ZNF320: variants seen among roughly 807,000 people sequenced by gnomAD.
ZNF320 encodes zinc finger gene 320.
Under a neutral mutation model 6.8 loss-of-function variants are expected in ZNF320, and 2 were observed. The ratio of observed to expected loss-of-function variants is 0.29; its 90% CI spans 0.12 to 0.93. The LOEUF (loss-of-function observed/expected upper bound fraction) is 0.93, where lower values mean the gene tolerates loss of function less well. Among genes scored for constraint, ZNF320 ranks in the 40% least tolerant of loss-of-function variants. The probability of loss-of-function intolerance (pLI) is 0.55; values close to 1 mark genes in which losing one functional copy is unlikely to be tolerated. For missense variants in ZNF320, 472 were observed against 611.0 expected, an observed-to-expected ratio of 0.77 and a Z score of 2.40; for synonymous variants, 208 against 203.2, an observed-to-expected ratio of 1.02 and a Z score of -0.20.
chr19:52,901,426 T>C (rs1053101527), upstream of ZNF320, among the ~76,000 whole-genome samples: 8 of 152,316 alleles, frequency 5.3e-5, no homozygotes, highest in East Asian at 1.5e-3. Flanking sequence ...CGGGTGTGAC[T>C]GCAGCAGGGC....
intron 2 of ZNF320, among the ~76,000 whole-genome samples, chr19:52,892,764 C>G (rs78971184): frequency 6.6e-6 from 1 of 151,102 alleles, no homozygotes; most frequent in South Asian, 2.1e-4. Flanking sequence ...CCTCCCTGGC[C>G]CCACTCTCTG....
At chr19:52,892,350 G>A (rs891190141) in intron 2 of ZNF320, 5 of 152,390 alleles carry the variant, frequency 3.3e-5, no homozygotes, top group Non-Finnish European at 7.3e-5. Flanking sequence ...TGGGCAACAA[G>A]AGTGAAACTG....
At chr19:52,891,989 C>T (rs1568728116) in intron 2 of ZNF320, 1 of 152,196 alleles carries the variant, frequency 6.6e-6, no homozygotes, top group Non-Finnish European at 1.5e-5. Context: ...ATGCTATTGA[C>T]TTTCAACATT....
In ZNF320 at chr19:52,880,236, T is replaced by C. The variant is rs190424084; in HGVS notation, c.*360A>G. On this transcript the variant is annotated 3_prime_UTR_variant, in exon 6 of 6. Transcript: ENST00000682928. ...GGTGGCACGCACCTGTAGTCCCAGC[T>C]ACTCAGGAGACTGAGGCAGGAGAAT... 3.5e-4 allele frequency: 60 copies of C among 172,138 alleles called. No individual in the cohort carries two copies. The highest frequency in any genetic ancestry group is 5.7e-3 in the Middle Eastern group (2 of 348). The allele number at this position is 172,138 out of a possible 1,614,324, so 10.7% of individuals were successfully genotyped here. A position where few individuals can be genotyped will look rare whatever the true frequency, so the allele number is the denominator to read the frequency against.
At chr19:52,866,438 T>C (rs951642711) in intron 5 of ZNF320, among the ~76,000 whole-genome samples, 11 of 151,772 alleles carry the variant, frequency 7.2e-5, no homozygotes, top group Non-Finnish European at 1.5e-4. Context: ...GCATTCTTGG[T>C]AACGGTGAAA....
chr19:52,895,987 A>G lies in ZNF320; in HGVS notation c.-270+1533T>C, dbSNP rs1031744807. Among the ~76,000 whole-genome samples the G allele has an allele frequency of 2.6e-5, 4 of 152,234 alleles. No individual in the cohort carries two copies. The East Asian group carries it at 5.8e-4, about 22-fold the overall frequency. On this transcript the variant is annotated intron_variant, in intron 1 of 5. Coordinates refer to ENST00000682928, the MANE Select transcript of ZNF320 (RefSeq NM_001351774.2). ...AAAATATATACATCTAAAAATGTATATATCTAATAAAATGTAGGGTCAAAG... is the reference window on the plus strand; with the variant it reads ...AAAATATATACATCTAAAAATGTATGTATCTAATAAAATGTAGGGTCAAAG...
At chr19:52,884,556 G>A (rs2064017577) in intron 5 of ZNF320, among the ~76,000 whole-genome samples, 1 of 152,244 alleles carries the variant, frequency 6.6e-6, no homozygotes, top group Non-Finnish European at 1.5e-5. Context: ...GACCTCAAGT[G>A]ATCAACCTGT....
At chr19:52,868,115 G>T (rs1401485774) in intron 5 of ZNF320, among the ~76,000 whole-genome samples, 1 of 152,178 alleles carries the variant, frequency 6.6e-6, no homozygotes, top group Non-Finnish European at 1.5e-5. Context: ...CATCAACATT[G>T]CTGAAGGCTG....
chr19:52,901,603 T>A (rs1488709123), upstream of ZNF320, among the ~76,000 whole-genome samples: 1 of 152,210 alleles, frequency 6.6e-6, no homozygotes, highest in Non-Finnish European at 1.5e-5. Flanking sequence ...TCTTTGATAC[T>A]AGGAGTAAGG....
chr19:52,859,670 T>G (rs1014623876), downstream of ZNF320, among the ~76,000 whole-genome samples: 1 of 152,150 alleles, frequency 6.6e-6, no homozygotes, highest in Non-Finnish European at 1.5e-5. Context: ...GTGCATAGGC[T>G]GCGGCAGCTT....
intron 5 of ZNF320, among the ~76,000 whole-genome samples, chr19:52,865,678 T>C (rs532592861): frequency 2.3e-5 from 3 of 131,642 alleles, no homozygotes; most frequent in East Asian, 4.3e-4. Flanking sequence ...TATTATATGA[T>C]TATACATATA....
downstream of ZNF320, chr19:52,874,298 G>A (rs1445280558): frequency 5.8e-6 from 1 of 171,860 alleles, no homozygotes; most frequent in Non-Finnish European, 1.2e-5. Context: ...CACACACGCT[G>A]CAGCAGGACA....
At chr19:52,883,592 A>C (rs576132060) in intron 5 of ZNF320, 2 of 455,536 alleles carry the variant, frequency 4.4e-6, no homozygotes, top group African/African-American at 4.0e-5. Context: ...AATACACAGA[A>C]TTATAAGGAA....
upstream of ZNF320, among the ~76,000 whole-genome samples, chr19:52,901,031 C>T (rs966041707): frequency 6.6e-6 from 1 of 152,094 alleles, no homozygotes; most frequent in African/African-American, 2.4e-5. Flanking sequence ...TTGGGGACCC[C>T]TCTTCTGTTC....
chr19:52,881,756 C>T lies in ZNF320; in HGVS notation c.370G>A (p.Asp124Asn), dbSNP rs1421897203. 1.2e-6 allele frequency: 2 copies of T among 1,613,982 alleles called. No homozygotes were observed. Among genetic ancestry groups the T allele is most frequent in the South Asian group, 2.2e-5 (2 of 91,078 alleles). ...TEIKKLTSST[D>N]RYDQRHAGNK... ...CCAGCATGCCTTTGATCATATCGGT[C>T]TGTACTACTAGTCAACTTTTTTATT... The change falls in exon 6 of 6, where the codon GAC becomes AAC. Residue 124 changes from aspartate to asparagine, a missense_variant. Physicochemically the swap from Asp to Asn is conservative, Grantham distance 23 (BLOSUM62 1). This residue lies in a region of ZNF320 where 462 missense variants were observed against 559.7 expected (regional missense o/e 0.83). Coordinates refer to ENST00000682928, the MANE Select transcript of ZNF320 (RefSeq NM_001351774.2).
rs1352288536 is a variant in ZNF320 at position 52,879,729 on chromosome 19, A to G, written c.*867T>C. 6.6e-6 allele frequency: 1 copy of G among 152,260 alleles called. No homozygotes were observed. The highest frequency in any genetic ancestry group is 1.9e-4 in the East Asian group (1 of 5,200). 9.4% of individuals were successfully genotyped at this position (152,260 alleles called of 1,614,324 possible). ...ACCAAAATGCAACTGGAACTAAAAAACATATGCAGTGGATTTGAAGAATAG... is the reference window on the plus strand; with the variant it reads ...ACCAAAATGCAACTGGAACTAAAAAGCATATGCAGTGGATTTGAAGAATAG... On this transcript the variant is annotated 3_prime_UTR_variant, in exon 6 of 6. Transcript: ENST00000682928.
intron 5 of ZNF320, among the ~76,000 whole-genome samples, chr19:52,866,131 T>C (rs1322740845): frequency 5.8e-5 from 4 of 68,958 alleles, no homozygotes; most frequent in South Asian, 3.8e-4. Flanking sequence ...TATGTATGAT[T>C]ATACATATAT....
rs1447945366 is a variant in ZNF320, at chr19:52,879,712, G to A, written c.*884C>T. The A allele has an allele frequency of 6.6e-6, 1 of 151,984 alleles. No individual in the cohort carries two copies. The highest frequency in any genetic ancestry group is 2.4e-5 in the African/African-American group (1 of 41,340). 9.4% of individuals were successfully genotyped at this position (151,984 alleles called of 1,614,324 possible). ...AAAATCACAAAGAGTCAACCAAAAT[G>A]CAACTGGAACTAAAAAACATATGCA... On this transcript the variant is annotated 3_prime_UTR_variant, in exon 6 of 6. Coordinates refer to ENST00000682928, the MANE Select transcript of ZNF320 (RefSeq NM_001351774.2).
At chr19:52,892,982 T>C (rs964592542) in intron 2 of ZNF320, among the ~76,000 whole-genome samples, 11 of 152,120 alleles carry the variant, frequency 7.2e-5, no homozygotes, top group Non-Finnish European at 1.3e-4. Context: ...CTCCAGTTGC[T>C]TTTCTCCTCC....
Sources: allele counts gnomAD v4.1 joint callset (sites outside exome capture counted in the v4.1 genomes callset), GRCh38; gene constraint gnomAD v4.1.1; regional missense constraint gnomAD v4.1.1; transcripts MANE v1.5; gene names NCBI Gene and HGNC (gene_info 2026-07-23, HGNC 2026-07-21).